ERBB4: variants seen among roughly 807,000 people sequenced by gnomAD.
ERBB4 encodes the protein erb-b2 receptor tyrosine kinase 4.
Under a neutral mutation model 158.0 loss-of-function variants are expected in ERBB4, and 42 were observed. The ratio of observed to expected loss-of-function variants is 0.27; its 90% CI spans 0.21 to 0.34. ERBB4 has a LOEUF of 0.34. Ranked by LOEUF, ERBB4 falls within the 10% of genes least tolerant of loss-of-function variation. The probability of loss-of-function intolerance (pLI) is 1.00; values close to 1 mark genes in which losing one functional copy is unlikely to be tolerated. For missense variants in ERBB4, 1,333 were observed against 1,624.1 expected (o/e 0.82, Z 3.08); for synonymous variants, 583 against 558.7 (o/e 1.04, Z -0.61).
At chr2:212,069,084 C>T (rs2078031593) in intron 2 of ERBB4, among the ~76,000 whole-genome samples, 1 of 152,004 alleles carries the variant, frequency 6.6e-6, no homozygotes, top group Non-Finnish European at 1.5e-5. Context: ...AGTCCATTAA[C>T]TCTCTTTCTT....
Position 212,128,942 on chromosome 2 carries a change from C to T in ERBB4, c.83-4039G>A, listed in dbSNP as rs191672963. 6.9e-3 allele frequency among the ~76,000 whole-genome samples: 1,054 copies of T among 152,126 alleles called. 7 individuals carry two copies. Among genetic ancestry groups the T allele is most frequent in the Middle Eastern group, 0.025 (7 of 282 alleles). On this transcript the variant is annotated intron_variant, in intron 1 of 27. Coordinates refer to ENST00000342788, the MANE Select transcript of ERBB4 (RefSeq NM_005235.3). ...GGCCCTTTTGGAAAAAACCTTAATC[C>T]ATGATCTTTATTTTATTGCTCCCAG...
chr2:211,475,036 C>T (rs1473029185), intron 20 of ERBB4, among the ~76,000 whole-genome samples: 1 of 151,998 alleles, frequency 6.6e-6, no homozygotes, highest in Non-Finnish European at 1.5e-5. Flanking sequence ...GGAGGGATGA[C>T]AGGAAAGACT....
intron 20 of ERBB4, among the ~76,000 whole-genome samples, chr2:211,531,300 C>A (rs1163225772): frequency 1.3e-5 from 2 of 151,846 alleles, no homozygotes; most frequent in African/African-American, 2.4e-5. Flanking sequence ...GTAACCAGAG[C>A]AAAAAAGGAC....
chr2:211,878,230 G>A (rs1345556981), intron 3 of ERBB4, among the ~76,000 whole-genome samples: 3 of 152,090 alleles, frequency 2.0e-5, no homozygotes, highest in Non-Finnish European at 4.4e-5. Flanking sequence ...GTTCTCATTA[G>A]AGTCAGGAAT....
At chr2:212,255,130 G>A (rs759121028) in intron 1 of ERBB4, among the ~76,000 whole-genome samples, 4 of 151,980 alleles carry the variant, frequency 2.6e-5, no homozygotes, top group Non-Finnish European at 2.9e-5. Context: ...CATCCTTCTC[G>A]CTGTTGTGCA....
At chr2:211,998,004 A>G (rs1233578208) in intron 2 of ERBB4, among the ~76,000 whole-genome samples, 3 of 151,718 alleles carry the variant, frequency 2.0e-5, no homozygotes, top group Non-Finnish European at 2.9e-5. Flanking sequence ...TAAGGTTTCT[A>G]TTAGAAATCA....
chr2:212,062,922 T>A (rs146049577), intron 2 of ERBB4, among the ~76,000 whole-genome samples: 1 of 152,220 alleles, frequency 6.6e-6, no homozygotes, highest in South Asian at 2.1e-4. Context: ...AGTGTCCTTA[T>A]GTGTTAAAAG....
intron 1 of ERBB4, among the ~76,000 whole-genome samples, chr2:212,200,731 T>A (rs2082564864): frequency 6.6e-6 from 1 of 152,192 alleles, no homozygotes; most frequent in African/African-American, 2.4e-5. Context: ...TTATTATTTA[T>A]TGATATTCCT....
At chr2:212,390,656 T>G (rs547977709) in intron 1 of ERBB4, among the ~76,000 whole-genome samples, 1 of 151,830 alleles carries the variant, frequency 6.6e-6, no homozygotes, top group Non-Finnish European at 1.5e-5. Context: ...CTAATACATA[T>G]GCATTTTTCT....
chr2:211,569,380 G>GTTTATTGAGAATCACA (rs1312598348), intron 19 of ERBB4, among the ~76,000 whole-genome samples: 3 of 152,074 alleles, frequency 2.0e-5, no homozygotes, highest in African/African-American at 7.2e-5. Context: ...GAACTTGCTA[G>GTTTATTGAGAATCACA]GTGCCTAGCA....
chr2:211,686,308 A>T lies in ERBB4; in HGVS notation c.1490-7124T>A, dbSNP rs545066076. 3.3e-5 allele frequency among the ~76,000 whole-genome samples: 5 copies of T among 152,278 alleles called. No individual in the cohort carries two copies. In the South Asian group the frequency reaches 1.0e-3, roughly 32 times the overall value. ...TTCTATTTTTTTCTGAGATTTTTAA[A>T]CAGAAACAAGTGTTAAAATTTTCAA... is the stretch of plus-strand genomic sequence containing the variant. On this transcript the variant is annotated intron_variant, in intron 12 of 27. Transcript: ENST00000342788.
chr2:211,593,567 T>C (rs1190426045), intron 19 of ERBB4, among the ~76,000 whole-genome samples: 2 of 152,208 alleles, frequency 1.3e-5, no homozygotes, highest in East Asian at 3.9e-4. Context: ...CAGCACTTTG[T>C]ATTATTCTGT....
At chr2:211,470,267 T>C (rs1300694047) in intron 20 of ERBB4, among the ~76,000 whole-genome samples, 2 of 152,110 alleles carry the variant, frequency 1.3e-5, no homozygotes, top group African/African-American at 2.4e-5. Context: ...TTTAAGAATA[T>C]GGCTACATTC....
chr2:211,861,155 T>TATA (rs1491478255), intron 3 of ERBB4, among the ~76,000 whole-genome samples: 4 of 49,346 alleles, frequency 8.1e-5, no homozygotes, highest in East Asian at 5.8e-4. Flanking sequence ...TATATATATA[T>TATA]TAAAAAAAAG....
At chr2:211,750,882 A>C (rs1341773444) in intron 4 of ERBB4, among the ~76,000 whole-genome samples, 178 bp from the exon 5 acceptor site, 1 of 152,252 alleles carries the variant, frequency 6.6e-6, no homozygotes, top group East Asian at 1.9e-4. Flanking sequence ...TGTCAAACAT[A>C]TGTGAAACTA....
intron 1 of ERBB4, among the ~76,000 whole-genome samples, chr2:212,309,844 C>A (rs919425761): frequency 6.7e-6 from 1 of 150,226 alleles, no homozygotes; most frequent in African/African-American, 2.4e-5. Context: ...TGACAAGTGA[C>A]AAATTTTAAA....
chr2:212,494,007 A>T (rs1386076885), intron 1 of ERBB4, among the ~76,000 whole-genome samples: 1 of 151,884 alleles, frequency 6.6e-6, no homozygotes, highest in East Asian at 1.9e-4. Flanking sequence ...CCTCTAATTT[A>T]AATTCTTATT....
intron 1 of ERBB4, among the ~76,000 whole-genome samples, chr2:212,168,792 T>G (rs947880977): frequency 6.6e-6 from 1 of 152,148 alleles, no homozygotes; most frequent in Non-Finnish European, 1.5e-5. Flanking sequence ...CAAGTGGACT[T>G]GTGCTGCTAA....
intron 1 of ERBB4, among the ~76,000 whole-genome samples, chr2:212,297,897 T>C (rs1224827604): frequency 6.6e-6 from 1 of 151,642 alleles, no homozygotes. Flanking sequence ...GCAAATTCAA[T>C]GTAAAAATAT....
Sources: allele counts gnomAD v4.1 joint callset (sites outside exome capture counted in the v4.1 genomes callset), GRCh38; gene constraint gnomAD v4.1.1; transcripts MANE v1.5; gene names NCBI Gene and HGNC (gene_info 2026-07-23, HGNC 2026-07-21).